Variants in MACROD1 observed in about 807,000 individuals in gnomAD.
MACROD1 encodes the protein mono-ADP ribosylhydrolase 1, also known as ADP-ribose glycohydrolase MACROD1.
In MACROD1, 31 loss-of-function variants were observed where a neutral mutation model predicts 41.4. That is an observed-to-expected ratio of 0.75 (90% CI 0.56 to 1.01). The LOEUF is 1.01. Ranked by LOEUF, MACROD1 falls within the 50% of genes least tolerant of loss-of-function variation. MACROD1 has a pLI of 0.00. For missense variants in MACROD1, 473 were observed against 460.0 expected, an observed-to-expected ratio of 1.03 and a Z score of -0.26; for synonymous variants, 252 against 203.4, an observed-to-expected ratio of 1.24 and a Z score of -2.03.
At chr11:64,095,080 A>C (rs1944553899) in intron 3 of MACROD1, among the ~76,000 whole-genome samples, 1 of 152,184 alleles carries the variant, frequency 6.6e-6, no homozygotes, top group South Asian at 2.1e-4. Flanking sequence ...TGAAAAGGAA[A>C]ATATACAATG....
chr11:63,999,553 G>C lies in MACROD1; in HGVS notation c.794C>G (p.Pro265Arg). 1 of 1,609,888 alleles carries C rather than the reference G, an allele frequency of 6.2e-7. No homozygotes were observed. The highest frequency in any genetic ancestry group is 8.5e-7 in the Non-Finnish European group (1 of 1,178,710). ...ACCAAACACGCCGGTGGAGATGCAG[G>C]GGAACGCCTGGGCGGGGAGGGGTGA... Reference protein sequence around the residue: ...LEHRLRSVAFPCISTGVFGYP... With the variant: ...LEHRLRSVAFRCISTGVFGYP... Residue 265 changes from proline (P) to arginine (R), a missense_variant, in exon 7 of 11, where the codon CCC becomes CGC. Coordinates refer to ENST00000255681, the MANE Select transcript of MACROD1 (RefSeq NM_014067.4).
intron 3 of MACROD1, among the ~76,000 whole-genome samples, chr11:64,127,657 C>T (rs1247934467): frequency 1.3e-5 from 2 of 152,210 alleles, no homozygotes; most frequent in African/African-American, 2.4e-5. Flanking sequence ...CAGAGCTGAA[C>T]CAGAGCTGAA....
In MACROD1 at chr11:64,036,859, G is replaced by T. The variant is rs1445810026; in HGVS notation, c.518-21578C>A. 6.6e-6 allele frequency among the ~76,000 whole-genome samples: 1 copy of T among 152,190 alleles called. No individual in the cohort carries two copies. The highest frequency in any genetic ancestry group is 1.9e-4 in the East Asian group (1 of 5,180). On this transcript the variant is annotated intron_variant, in intron 3 of 10. Transcript: ENST00000255681. This position sits in a 1 kb window ranked among gnomAD's most constrained non-coding sequence, Gnocchi z 5.6. ...GACAAGGAGGCGGCCCGACCCGGCG[G>T]CGCACGCCCCTCCTCGCGGGCACTG...
At chr11:64,137,633 C>G (rs909828606) in intron 3 of MACROD1, among the ~76,000 whole-genome samples, 1 of 152,110 alleles carries the variant, frequency 6.6e-6, no homozygotes, top group Non-Finnish European at 1.5e-5. Context: ...CAAGATACCC[C>G]CAAGTAGCCA....
At chr11:64,119,736 T>G (rs953557466) in intron 3 of MACROD1, among the ~76,000 whole-genome samples, 3 of 152,136 alleles carry the variant, frequency 2.0e-5, no homozygotes, top group African/African-American at 7.2e-5. Flanking sequence ...GGGCCCTGAC[T>G]GGGACCCTCA....
At chr11:64,051,423 G>A (rs1943692507) in intron 3 of MACROD1, among the ~76,000 whole-genome samples, 1 of 152,198 alleles carries the variant, frequency 6.6e-6, no homozygotes. Flanking sequence ...TGGTGACAGT[G>A]ATGGCGGACC....
At chr11:64,018,999 C>T (rs1247932192) in intron 3 of MACROD1, among the ~76,000 whole-genome samples, 1 of 152,052 alleles carries the variant, frequency 6.6e-6, no homozygotes, top group East Asian at 1.9e-4. Flanking sequence ...TCCCAGCAAA[C>T]AGGGGCCTTT....
At chr11:64,080,052 G>A (rs112756776) in intron 3 of MACROD1, among the ~76,000 whole-genome samples, 8,951 of 152,148 alleles carry the variant, frequency 0.059, 623 homozygotes, top group African/African-American at 0.16. Flanking sequence ...TCACTCTGTC[G>A]CCCAGGCTGG....
At chr11:63,998,728 C>T in intron 10 of MACROD1, 41 bp from the exon 11 acceptor site, 2 of 1,413,286 alleles carry the variant, frequency 1.4e-6, no homozygotes, top group South Asian at 3.1e-5. Flanking sequence ...TGGGCGTCCC[C>T]GACCTCCCAG....
intron 7 of MACROD1, 45 bp from the exon 8 acceptor site, chr11:63,999,449 C>G (rs774270371): frequency 6.4e-7 from 1 of 1,560,252 alleles, no homozygotes; most frequent in Non-Finnish European, 8.7e-7. Flanking sequence ...CTGGCCCCGC[C>G]CACTCCCCTG....
At chr11:64,072,076 G>C (rs1944118983) in intron 3 of MACROD1, among the ~76,000 whole-genome samples, 1 of 152,244 alleles carries the variant, frequency 6.6e-6, no homozygotes, top group Admixed American at 6.5e-5. Context: ...GATGATGTGA[G>C]CCCGAATCGA....
intron 3 of MACROD1, among the ~76,000 whole-genome samples, chr11:64,086,111 C>T (rs1944389647): frequency 6.6e-6 from 1 of 152,180 alleles, no homozygotes. Context: ...GCCATGAGCA[C>T]TCAGCACTGG....
chr11:64,114,898 T>C (rs952682695), intron 3 of MACROD1, among the ~76,000 whole-genome samples: 28 of 152,066 alleles, frequency 1.8e-4, no homozygotes, highest in African/African-American at 4.6e-4. Context: ...CCTGCAAGAG[T>C]AGCTTGCTCG....
At chr11:64,104,132 C>T (rs1485801419) in intron 3 of MACROD1, 1 of 152,306 alleles carries the variant, frequency 6.6e-6, no homozygotes, top group East Asian at 1.9e-4. Context: ...GCCTCCGGAC[C>T]AGTGACCCCA....
At chr11:64,136,373 C>T (rs1945332949) in intron 3 of MACROD1, among the ~76,000 whole-genome samples, 1 of 152,238 alleles carries the variant, frequency 6.6e-6, no homozygotes, top group African/African-American at 2.4e-5. Context: ...TATAGCATAG[C>T]TTCCCAACCT....
rs781580645 is a variant in MACROD1 at position 63,999,028 on chromosome 11, C to T, written c.900G>A (p.Arg300=). 10 of 1,604,290 alleles carry T rather than the reference C, an allele frequency of 6.2e-6. No individual in the cohort carries two copies. Among genetic ancestry groups the T allele is most frequent in the Admixed American group, 5.1e-5 (3 of 59,004 alleles). ...WLEQHKDKVD[R]LIICVFLEKD... is the part of the protein sequence containing the mutation. The stretch of plus-strand genomic sequence containing the variant: ...TCTCGAGGAACACGCAGATGATCAG[C>T]CGGTCCACCTGCGCCAGGGGCTGCT... Residue 300 remains arginine (R), a synonymous_variant, in exon 9 of 11, where the codon CGG becomes CGA. Transcript: ENST00000255681.
chr11:64,124,575 TC>T (rs1459483621), intron 3 of MACROD1, among the ~76,000 whole-genome samples: 12 of 152,238 alleles, frequency 7.9e-5, no homozygotes, highest in Admixed American at 7.8e-4. Flanking sequence ...CTGTGGGTTT[TC>T]CCTGGTTTTG....
chr11:64,031,352 T>C (rs781094234), intron 3 of MACROD1, among the ~76,000 whole-genome samples: 8 of 152,196 alleles, frequency 5.3e-5, no homozygotes, highest in Non-Finnish European at 8.8e-5. Context: ...GTCCTAGACC[T>C]TGTGCTTAGA....
chr11:64,077,868 CCT>C (rs1227640271), intron 3 of MACROD1, among the ~76,000 whole-genome samples: 5 of 152,216 alleles, frequency 3.3e-5, no homozygotes, highest in African/African-American at 9.6e-5. Context: ...CCCAGGGCCC[CCT>C]GATTGGTGGC....
Sources: gnomAD v4.1 joint callset for allele counts (sites outside exome capture counted in the v4.1 genomes callset) on GRCh38, gnomAD v4.1.1 for gene constraint, Gnocchi (gnomAD v3.1) non-coding constraint, MANE v1.5 for transcripts, NCBI Gene and HGNC (gene_info 2026-07-23, HGNC 2026-07-21) for gene names.